SLC13A3: variants seen among roughly 807,000 people sequenced by gnomAD.
The protein encoded by SLC13A3 is Na(+)/dicarboxylate cotransporter 3.
SLC13A3 carries 40 observed loss-of-function variants against 59.0 expected under a neutral mutation model. The observed-to-expected ratio is 0.68, with a 90% confidence interval of 0.53 to 0.88. SLC13A3 has a LOEUF of 0.88. SLC13A3 is among the 40% of genes least tolerant of loss of function. The pLI is 0.00. For missense variants in SLC13A3, 699 were observed against 783.2 expected, an observed-to-expected ratio of 0.89 and a Z score of 1.28; for synonymous variants, 317 against 330.3, an observed-to-expected ratio of 0.96 and a Z score of 0.44.
At chr20:46,600,423 A>AAGG (rs753404754) in intron 3 of SLC13A3, among the ~76,000 whole-genome samples, 86 of 130,066 alleles carry the variant, frequency 6.6e-4, no homozygotes, top group Non-Finnish European at 9.2e-4. Context: ...GGAAGGAAGG[A>AAGG]AAGGAAGGAA....
chr20:46,644,792 G>C (rs1235909391), intron 1 of SLC13A3, among the ~76,000 whole-genome samples: 1 of 152,194 alleles, frequency 6.6e-6, no homozygotes, highest in Non-Finnish European at 1.5e-5. Context: ...GGGCCCACAT[G>C]ATGGGACCCA....
intron 8 of SLC13A3, among the ~76,000 whole-genome samples, chr20:46,586,353 C>T (rs2062191368): frequency 6.6e-6 from 1 of 152,158 alleles, no homozygotes; most frequent in Non-Finnish European, 1.5e-5. Flanking sequence ...TTTCCTTCTA[C>T]CTCACTCACC....
At chr20:46,576,431 G>A (rs1186956875) in intron 9 of SLC13A3, among the ~76,000 whole-genome samples, 2 of 152,132 alleles carry the variant, frequency 1.3e-5, no homozygotes, top group Admixed American at 1.3e-4. Flanking sequence ...GCATGCCCTT[G>A]ACAAGTGACT....
chr20:46,595,171 A>T (rs2122690312), intron 5 of SLC13A3, among the ~76,000 whole-genome samples: 1 of 152,316 alleles, frequency 6.6e-6, no homozygotes, highest in South Asian at 2.1e-4. Context: ...ACTGCAAGGA[A>T]TCTTAGAAAC....
chr20:46,652,181 TC>T (rs2062956382), upstream of SLC13A3, among the ~76,000 whole-genome samples: 1 of 152,192 alleles, frequency 6.6e-6, no homozygotes, highest in South Asian at 2.1e-4. Flanking sequence ...GTGCAACAAA[TC>T]CCCATGACAC....
Position 46,659,723 on chromosome 20 carries a change from CA to C in SLC13A3, c.-31+10319del, listed in dbSNP as rs1555884129. Among the ~76,000 whole-genome samples, 795 of 120,982 alleles carry C rather than the reference CA, an allele frequency of 6.6e-3. 8 individuals carry two copies. Among genetic ancestry groups the C allele is most frequent in the African/African-American group, 0.022 (706 of 32,236 alleles). 79.4% of individuals were successfully genotyped at this position (120,982 alleles called of 152,430 possible). A position where few individuals can be genotyped will look rare whatever the true frequency, so the allele number is the denominator to read the frequency against. On this transcript the variant is annotated intron_variant, in intron 1 of 12. Coordinates refer to the SLC13A3 transcript ENST00000290317. ...AGAGTGAGACCCTATCCCCCCCCCC[CA>C]AAAAAAAAAAGAAAAAACAAAGAAA...
At chr20:46,669,214 T>C (rs1039584461) in intron 1 of SLC13A3, among the ~76,000 whole-genome samples, 2 of 152,182 alleles carry the variant, frequency 1.3e-5, no homozygotes, top group Non-Finnish European at 2.9e-5. Flanking sequence ...ATATAACACA[T>C]GACCTGAAAT....
intron 1 of SLC13A3, among the ~76,000 whole-genome samples, chr20:46,617,179 A>C (rs1286353553): frequency 6.6e-6 from 1 of 152,222 alleles, no homozygotes; most frequent in Non-Finnish European, 1.5e-5. Flanking sequence ...ATGTTTCTAC[A>C]ACTTAGAGAA....
chr20:46,660,987 T>C (rs186654803), intron 1 of SLC13A3, among the ~76,000 whole-genome samples: 1 of 152,318 alleles, frequency 6.6e-6, no homozygotes, highest in Admixed American at 6.5e-5. Context: ...TTTAATAGTT[T>C]CCAGGTCTCT....
chr20:46,563,630 G>GAGAGAGAC, intron 11 of SLC13A3, 79 bp from the exon 12 acceptor site: 12 of 1,473,724 alleles, frequency 8.1e-6, no homozygotes, highest in East Asian at 2.4e-5. Context: ...GAGAGAGAGA[G>GAGAGAGAC]AGGCAGTTGG....
chr20:46,592,248 CATAT>C lies in SLC13A3; in HGVS notation c.920+152_920+155del, dbSNP rs1472182081. On this transcript the variant is annotated intron_variant, in intron 6 of 12. Coordinates refer to ENST00000279027, the MANE Select transcript of SLC13A3 (RefSeq NM_022829.6). The stretch of plus-strand genomic sequence containing the variant: ...GCATACATACATACATACATACATA[CATAT>C]ATACATACCTACATACATACATACA... 3.7e-3 allele frequency among the ~76,000 whole-genome samples: 555 copies of C among 152,016 alleles called. 7 individuals are homozygous for C. The highest frequency in any genetic ancestry group is 0.013 in the African/African-American group (524 of 41,384).
intron 1 of SLC13A3, among the ~76,000 whole-genome samples, chr20:46,633,484 C>A (rs2425887): frequency 6.6e-6 from 1 of 152,146 alleles, no homozygotes; most frequent in African/African-American, 2.4e-5. Context: ...TTAGGCCATC[C>A]TCAGAGAATG....
chr20:46,559,853 A>G lies in SLC13A3; in HGVS notation c.*169T>C. 1.6e-6 allele frequency: 1 copy of G among 617,306 alleles called. No homozygotes were observed. Among genetic ancestry groups the G allele is most frequent in the South Asian group, 2.2e-5 (1 of 46,034 alleles). 38.2% of individuals were successfully genotyped at this position (617,306 alleles called of 1,614,324 possible). On this transcript the variant is annotated 3_prime_UTR_variant, in exon 13 of 13. Transcript: ENST00000279027. Reference sequence around the variant, plus strand: ...GAACTGCATGAAAGAGAGAGAAAGTATCCTAGATAATGGCTCATGGACTTG... The same window carrying G: ...GAACTGCATGAAAGAGAGAGAAAGTGTCCTAGATAATGGCTCATGGACTTG...
At chr20:46,572,355 A>G (rs2062036216) in intron 10 of SLC13A3, among the ~76,000 whole-genome samples, 1 of 152,166 alleles carries the variant, frequency 6.6e-6, no homozygotes, top group African/African-American at 2.4e-5. Context: ...GGGGAAAGGA[A>G]CAGCTACTAC....
intron 1 of SLC13A3, among the ~76,000 whole-genome samples, chr20:46,668,585 A>C (rs1375380598): frequency 6.6e-6 from 1 of 152,242 alleles, no homozygotes; most frequent in Non-Finnish European, 1.5e-5. Flanking sequence ...GTGAAACAGC[A>C]AGTGATGATG....
At chr20:46,632,906 T>TAGACAGAC (rs147754429) in intron 1 of SLC13A3, among the ~76,000 whole-genome samples, 7,196 of 56,842 alleles carry the variant, frequency 0.13, 654 homozygotes, top group East Asian at 0.15. Flanking sequence ...GATAGATAGA[T>TAGACAGAC]AGATATATCT....
intron 1 of SLC13A3, among the ~76,000 whole-genome samples, chr20:46,639,036 T>A (rs2062821330): frequency 6.6e-6 from 1 of 152,176 alleles, no homozygotes; most frequent in South Asian, 2.1e-4. Context: ...GTAGCCAATG[T>A]TTTTTTAGCT....
At chr20:46,684,405 T>C (rs1047949424) in exon 1 of SLC13A3, 21 of 152,346 alleles carry the variant, frequency 1.4e-4, no homozygotes, top group Middle Eastern at 3.4e-3. Flanking sequence ...CAGTTCAGCA[T>C]GGCTGGGGAT....
upstream of SLC13A3, among the ~76,000 whole-genome samples, chr20:46,652,133 T>G (rs2062956077): frequency 6.6e-6 from 1 of 152,138 alleles, no homozygotes; most frequent in African/African-American, 2.4e-5. Context: ...AAATAACTAA[T>G]GGGCACTAGG....
Sources: allele counts gnomAD v4.1 joint callset (sites outside exome capture counted in the v4.1 genomes callset), GRCh38; gene constraint gnomAD v4.1.1; transcripts MANE v1.5; gene names NCBI Gene and HGNC (gene_info 2026-07-23, HGNC 2026-07-21).